The following ULK4 variants were observed in gnomAD, a reference collection of about 807,000 sequenced individuals.
ULK4 encodes the protein unc-51 like kinase 4.
Under a neutral mutation model 160.6 loss-of-function variants are expected in ULK4, and 133 were observed. That is an observed-to-expected ratio of 0.83 (90% CI 0.72 to 0.96). ULK4 has a LOEUF of 0.96. ULK4 is among the 40% of genes least tolerant of loss of function. The probability of loss-of-function intolerance (pLI) is 0.00; values close to 1 mark genes in which losing one functional copy is unlikely to be tolerated. For synonymous variants in ULK4, 534 were observed against 539.8 expected (o/e 0.99, Z 0.15); for missense variants, 1,580 against 1,499.5 (o/e 1.05, Z -0.89).
At chr3:41,772,876 T>A (rs1387537969) in intron 21 of ULK4, among the ~76,000 whole-genome samples, 3 of 152,144 alleles carry the variant, frequency 2.0e-5, no homozygotes, top group African/African-American at 7.2e-5. Flanking sequence ...TCCACCATGA[T>A]CAAGTGGGCT....
At chr3:41,894,228 T>TTA in intron 16 of ULK4, among the ~76,000 whole-genome samples, 1 of 152,344 alleles carries the variant, frequency 6.6e-6, no homozygotes, top group African/African-American at 2.4e-5. Context: ...AATAAAGGTG[T>TTA]TTAAATAAGT....
chr3:41,687,970 GGA>G (rs764415806), intron 27 of ULK4: 1 of 152,196 alleles, frequency 6.6e-6, no homozygotes, highest in Non-Finnish European at 1.5e-5. Context: ...TAAGTTGAAG[GGA>G]GGTGGACGCA....
intron 18 of ULK4, among the ~76,000 whole-genome samples, chr3:41,834,664 G>C (rs564165182): frequency 1.3e-4 from 20 of 152,326 alleles, no homozygotes; most frequent in African/African-American, 4.8e-4. Flanking sequence ...TTAAAATGAT[G>C]ATTGTTCAGA....
intron 32 of ULK4, among the ~76,000 whole-genome samples, chr3:41,557,285 T>C (rs1174956564): frequency 6.6e-6 from 1 of 151,158 alleles, no homozygotes; most frequent in Admixed American, 6.6e-5. Flanking sequence ...TATTTGAAAC[T>C]TGTAAATAGA....
At chr3:41,319,056 G>A (rs1208601173) in intron 35 of ULK4, among the ~76,000 whole-genome samples, 1 of 152,176 alleles carries the variant, frequency 6.6e-6, no homozygotes, top group Non-Finnish European at 1.5e-5. Context: ...CTATGAAAAT[G>A]AGTTTAGGTA....
chr3:41,715,690 GATA>G, intron 23 of ULK4, 122 bp from the exon 24 acceptor site: 1 of 1,255,678 alleles, frequency 8.0e-7, no homozygotes, highest in Non-Finnish European at 1.1e-6. Flanking sequence ...AAAATAAGCA[GATA>G]TACTTATTCA....
At chr3:41,586,527 C>CATA (rs1052011011) in intron 31 of ULK4, among the ~76,000 whole-genome samples, 1 of 152,064 alleles carries the variant, frequency 6.6e-6, no homozygotes, top group East Asian at 1.9e-4. Context: ...TTAACGGAAA[C>CATA]ATAGTTTCAG....
rs574953638 is a variant in ULK4, at chr3:41,952,263, C to A, written c.138+2359G>T. 3.9e-5 allele frequency among the ~76,000 whole-genome samples: 6 copies of A among 152,148 alleles called. No homozygotes were observed. The South Asian group carries it at 1.2e-3, about 32-fold the overall frequency. On this transcript the variant is annotated intron_variant, in intron 2 of 36. Coordinates refer to ENST00000301831, the MANE Select transcript of ULK4 (RefSeq NM_017886.4). Reference sequence around the variant, plus strand: ...AGGCACTATCAACAAAGTGAAAAGGCAACCTATAGAATATGAAAATATATT... The same window carrying A: ...AGGCACTATCAACAAAGTGAAAAGGAAACCTATAGAATATGAAAATATATT...
chr3:41,661,219 T>C (rs375261584), intron 30 of ULK4, among the ~76,000 whole-genome samples: 30 of 152,184 alleles, frequency 2.0e-4, no homozygotes, highest in African/African-American at 7.0e-4. Context: ...AGATCCCATT[T>C]TCATTCATTA....
chr3:41,934,217 G>A (rs1242608112), intron 4 of ULK4, among the ~76,000 whole-genome samples: 4 of 152,152 alleles, frequency 2.6e-5, no homozygotes, highest in African/African-American at 4.8e-5. Context: ...TTTACAAATT[G>A]TCTACAGCTG....
intron 35 of ULK4, among the ~76,000 whole-genome samples, chr3:41,281,354 A>G (rs1359210222): frequency 1.3e-5 from 2 of 152,330 alleles, no homozygotes; most frequent in East Asian, 3.9e-4. Context: ...ACAAAAAAAG[A>G]AAATTTTGGA....
At chr3:41,441,895 C>T (rs1485959831) in intron 34 of ULK4, among the ~76,000 whole-genome samples, 1 of 152,128 alleles carries the variant, frequency 6.6e-6, no homozygotes, top group Non-Finnish European at 1.5e-5. Context: ...ATTTGATTGA[C>T]TATCGTATCA....
chr3:41,304,919 G>A (rs2079875407), intron 35 of ULK4, among the ~76,000 whole-genome samples: 1 of 152,190 alleles, frequency 6.6e-6, no homozygotes, highest in Non-Finnish European at 1.5e-5. Flanking sequence ...AAGGAATAGT[G>A]AGAACGCAGT....
At chr3:41,481,557 G>A (rs1559635561) in intron 32 of ULK4, among the ~76,000 whole-genome samples, 1 of 152,116 alleles carries the variant, frequency 6.6e-6, no homozygotes, top group Non-Finnish European at 1.5e-5. Context: ...GCCGGGCGCG[G>A]TGGCTCACGC....
chr3:41,663,496 G>T, intron 30 of ULK4, 111 bp downstream of exon 30: 1 of 995,782 alleles, frequency 1.0e-6, no homozygotes, highest in Non-Finnish European at 1.5e-6. Context: ...TGACGATTTT[G>T]ACAACTCAAA....
At chr3:41,252,337 A>G (rs1010574426) in intron 35 of ULK4, among the ~76,000 whole-genome samples, 2 of 152,238 alleles carry the variant, frequency 1.3e-5, no homozygotes, top group Non-Finnish European at 1.5e-5. Context: ...ATTATCTGAC[A>G]AAGACTTCAA....
intron 35 of ULK4, among the ~76,000 whole-genome samples, chr3:41,391,264 C>T (rs957134335): frequency 4.6e-5 from 7 of 152,016 alleles, no homozygotes; most frequent in Admixed American, 1.3e-4. Flanking sequence ...CTTTCAGAAA[C>T]GCTTAAGAGC....
At chr3:41,914,609 A>T (rs974594290) in intron 8 of ULK4, 1 of 152,258 alleles carries the variant, frequency 6.6e-6, no homozygotes, top group African/African-American at 2.4e-5. Flanking sequence ...AAAAAATTTT[A>T]AAAATTCACA....
At chr3:41,621,722 A>T (rs2033252781) in intron 30 of ULK4, among the ~76,000 whole-genome samples, 1 of 152,228 alleles carries the variant, frequency 6.6e-6, no homozygotes, top group African/African-American at 2.4e-5. Context: ...TTAATGACTA[A>T]AACACCAAAA....
Sources: gnomAD v4.1 joint callset for allele counts (sites outside exome capture counted in the v4.1 genomes callset) on GRCh38, gnomAD v4.1.1 for gene constraint, MANE v1.5 for transcripts, NCBI Gene and HGNC (gene_info 2026-07-23, HGNC 2026-07-21) for gene names.